EPHA6: variants seen among roughly 807,000 people sequenced by gnomAD.
The protein encoded by EPHA6 is ephrin type-A receptor 6.
Under a neutral mutation model 112.0 loss-of-function variants are expected in EPHA6, and 50 were observed. The observed-to-expected ratio is 0.45, with a 90% CI of 0.36 to 0.56. EPHA6 has a LOEUF of 0.56. Among genes scored for constraint, EPHA6 ranks in the 20% least tolerant of loss-of-function variants. The pLI, the probability that EPHA6 is intolerant of heterozygous loss-of-function variation, is 0.00. For synonymous variants in EPHA6, 529 were observed against 490.7 expected (o/e 1.08, Z -1.03); for missense variants, 1,280 against 1,417.4 (o/e 0.90, Z 1.56).
chr3:96,855,416 T>C (rs2035634546), intron 1 of EPHA6, among the ~76,000 whole-genome samples: 1 of 152,078 alleles, frequency 6.6e-6, no homozygotes, highest in African/African-American at 2.4e-5. Context: ...TAGTTAATAT[T>C]GAGGGATGAG....
intron 3 of EPHA6, among the ~76,000 whole-genome samples, chr3:97,135,825 G>A (rs548691405): frequency 6.6e-6 from 1 of 151,156 alleles, no homozygotes; most frequent in African/African-American, 2.4e-5. Flanking sequence ...GGAAATTCAG[G>A]ATAAAACTCA....
intron 11 of EPHA6, chr3:97,569,858 GT>G (rs970848148): frequency 4.6e-5 from 7 of 151,984 alleles, no homozygotes; most frequent in Non-Finnish European, 1.0e-4. Context: ...TTTTTTCCTG[GT>G]TCATGTTGGT....
chr3:97,080,076 G>C lies in EPHA6; in HGVS notation c.1114+92083G>C, dbSNP rs181865919. 1.1e-4 allele frequency among the ~76,000 whole-genome samples: 16 copies of C among 152,218 alleles called. No individual in the cohort carries two copies. The East Asian group carries it at 3.1e-3, about 29-fold the overall frequency. ...GAAATGCAGTTTATTGGGGTGGTTT[G>C]TTACTGAACCCACAATATCTCCATG... On this transcript the variant is annotated intron_variant, in intron 3 of 17. Coordinates refer to ENST00000389672, the MANE Select transcript of EPHA6 (RefSeq NM_001080448.3).
At chr3:97,177,588 G>A (rs2076871185) in intron 3 of EPHA6, among the ~76,000 whole-genome samples, 1 of 151,530 alleles carries the variant, frequency 6.6e-6, no homozygotes, top group Non-Finnish European at 1.5e-5. Context: ...TTACAATTAT[G>A]ATATCTTTTT....
At chr3:97,516,959 T>C (rs1000406171) in intron 10 of EPHA6, among the ~76,000 whole-genome samples, 2 of 152,088 alleles carry the variant, frequency 1.3e-5, no homozygotes, top group African/African-American at 4.8e-5. Context: ...TATTATGTAC[T>C]AGGTGCTGTG....
At chr3:97,368,971 A>G (rs1040745076) in intron 5 of EPHA6, among the ~76,000 whole-genome samples, 2 of 152,224 alleles carry the variant, frequency 1.3e-5, no homozygotes, top group African/African-American at 4.8e-5. Flanking sequence ...GCAAAGGTTA[A>G]AGAAAAAAGA....
At chr3:97,264,291 G>A (rs1307564928) in intron 5 of EPHA6, among the ~76,000 whole-genome samples, 2 of 152,214 alleles carry the variant, frequency 1.3e-5, no homozygotes, top group African/African-American at 4.8e-5. Context: ...GCGTGGAGTG[G>A]CAAGAAGCGT....
At chr3:97,660,695 A>G (rs2107632021) in intron 14 of EPHA6, among the ~76,000 whole-genome samples, 1 of 152,222 alleles carries the variant, frequency 6.6e-6, no homozygotes, top group Middle Eastern at 3.4e-3. Flanking sequence ...TTGACAGGTG[A>G]CAATATCTGG....
chr3:97,145,797 T>G (rs1347090621), intron 3 of EPHA6, among the ~76,000 whole-genome samples: 1 of 151,684 alleles, frequency 6.6e-6, no homozygotes, highest in Non-Finnish European at 1.5e-5. Context: ...TTTTACAAAG[T>G]GTTTTGGGTG....
At chr3:97,187,090 T>A (rs2077160152) in intron 3 of EPHA6, among the ~76,000 whole-genome samples, 1 of 152,170 alleles carries the variant, frequency 6.6e-6, no homozygotes, top group East Asian at 1.9e-4. Context: ...GAAATCTCCG[T>A]GGTGGCTTAC....
rs1439679539 is a variant in EPHA6, at chr3:97,018,830, G to A, written c.1114+30837G>A. ...TGGGGAAAGGGAGACTCCCTTTCCCGGTCTGCTAAGTAGCGGGTGTTTTTC... is the reference window on the plus strand; with the variant it reads ...TGGGGAAAGGGAGACTCCCTTTCCCAGTCTGCTAAGTAGCGGGTGTTTTTC... On this transcript the variant is annotated intron_variant, in intron 3 of 17. Transcript: ENST00000389672. Among the ~76,000 whole-genome samples, 10 of 152,228 alleles carry A rather than the reference G, an allele frequency of 6.6e-5. No homozygotes were observed. The East Asian group carries it at 9.7e-4, about 15-fold the overall frequency.
At chr3:96,915,872 A>G (rs1175713378) in intron 2 of EPHA6, among the ~76,000 whole-genome samples, 1 of 152,110 alleles carries the variant, frequency 6.6e-6, no homozygotes, top group African/African-American at 2.4e-5. Context: ...AGTTTTATAC[A>G]TGAGAAAAAA....
chr3:97,569,474 T>C (rs1312677270), intron 11 of EPHA6, among the ~76,000 whole-genome samples: 1 of 152,188 alleles, frequency 6.6e-6, no homozygotes, highest in Non-Finnish European at 1.5e-5. Context: ...CTGCTTGGAT[T>C]CCTAGCTTAA....
At chr3:97,165,711 C>T (rs1418574375) in intron 3 of EPHA6, among the ~76,000 whole-genome samples, 2 of 152,054 alleles carry the variant, frequency 1.3e-5, no homozygotes, top group African/African-American at 2.4e-5. Flanking sequence ...ATTTTGCTAG[C>T]GTGAGTGAGC....
At chr3:96,885,887 A>G (rs535878726) in intron 2 of EPHA6, among the ~76,000 whole-genome samples, 1 of 152,140 alleles carries the variant, frequency 6.6e-6, no homozygotes, top group Non-Finnish European at 1.5e-5. Flanking sequence ...TCTTAGCACC[A>G]CCTTGCTGTA....
intron 3 of EPHA6, among the ~76,000 whole-genome samples, chr3:96,991,686 G>A (rs569573736): frequency 1.3e-5 from 2 of 152,162 alleles, no homozygotes; most frequent in East Asian, 3.9e-4. Flanking sequence ...CCTCCCAAAG[G>A]TTTATCACAT....
rs970505764 is a variant in EPHA6 at position 97,652,239 on chromosome 3, C to A, written c.2784+14157C>A. Among the ~76,000 whole-genome samples the A allele has an allele frequency of 1.4e-4, 21 of 152,138 alleles. 1 individual carries two copies. In the East Asian group the frequency reaches 2.5e-3, roughly 18 times the overall value. On this transcript the variant is annotated intron_variant, in intron 14 of 17. Transcript: ENST00000389672. ...CTAAGAAGGAAAACATGATAAATAC[C>A]AGACAAACCACATGAAATCTTTATG...
chr3:96,849,934 A>G (rs1391880390), intron 1 of EPHA6, among the ~76,000 whole-genome samples: 1 of 152,206 alleles, frequency 6.6e-6, no homozygotes, highest in Non-Finnish European at 1.5e-5. Flanking sequence ...TAAAATAATT[A>G]TATTACGTTA....
intron 1 of EPHA6, among the ~76,000 whole-genome samples, chr3:96,851,216 A>T (rs1489080362): frequency 1.3e-5 from 2 of 152,146 alleles, no homozygotes; most frequent in African/African-American, 4.8e-5. Context: ...CCTATTCCTC[A>T]TCTTTAAAAG....
Sources: gnomAD v4.1 joint callset for allele counts (sites outside exome capture counted in the v4.1 genomes callset) on GRCh38, gnomAD v4.1.1 for gene constraint, MANE v1.5 for transcripts, NCBI Gene and HGNC (gene_info 2026-07-23, HGNC 2026-07-21) for gene names.